Variants in KCNIP4 observed in about 807,000 individuals in gnomAD.
The protein encoded by KCNIP4 is potassium voltage-gated channel interacting protein 4.
In KCNIP4, 12 loss-of-function variants were observed where a neutral mutation model predicts 34.0. The observed-to-expected ratio is 0.35, with a 90% CI of 0.23 to 0.57. The LOEUF is 0.57. Ranked by LOEUF, KCNIP4 falls within the 20% of genes least tolerant of loss-of-function variation. The pLI, the probability that KCNIP4 is intolerant of heterozygous loss-of-function variation, is 0.83. For missense variants in KCNIP4, 238 were observed against 311.7 expected, an observed-to-expected ratio of 0.76 and a Z score of 1.78; for synonymous variants, 124 against 102.2, an observed-to-expected ratio of 1.21 and a Z score of -1.29.
chr4:21,630,677 A>G (rs1448837140), intron 1 of KCNIP4, among the ~76,000 whole-genome samples: 2 of 152,088 alleles, frequency 1.3e-5, no homozygotes, highest in East Asian at 1.9e-4. Context: ...TGCAGATACG[A>G]TGATTGAAAA....
At position 21,234,416 on chromosome 4, in the gene KCNIP4, AC is replaced by A. The variant is rs1313866378; in HGVS notation, c.62-351708del. 2.1e-4 allele frequency among the ~76,000 whole-genome samples: 28 copies of A among 132,272 alleles called. 6 individuals carry two copies. Among genetic ancestry groups the A allele is most frequent in the African/African-American group, 4.6e-4 (16 of 34,504 alleles). 86.8% of individuals were successfully genotyped at this position (132,272 alleles called of 152,430 possible). On this transcript the variant is annotated intron_variant, in intron 1 of 8. Transcript: ENST00000382152. ...ATATATAATATATTATATAACATAT[AC>A]TATATATATTACATATAACGTATAT... is the stretch of plus-strand genomic sequence containing the variant.
chr4:21,724,443 T>C (rs1459270), intron 1 of KCNIP4, among the ~76,000 whole-genome samples: 61,350 of 151,902 alleles, frequency 0.4, 14,662 homozygotes, highest in East Asian at 0.67. Context: ...GAACTATTAT[T>C]ACATGAACAT....
intron 1 of KCNIP4, among the ~76,000 whole-genome samples, chr4:21,633,678 C>T (rs1745918301): frequency 6.6e-6 from 1 of 152,042 alleles, no homozygotes; most frequent in Non-Finnish European, 1.5e-5. Flanking sequence ...GACCTATTGA[C>T]ACTTTCAAAA....
intron 1 of KCNIP4, among the ~76,000 whole-genome samples, chr4:21,276,751 C>T (rs890512130): frequency 2.0e-5 from 3 of 152,102 alleles, no homozygotes; most frequent in Admixed American, 6.6e-5. Context: ...CCCAGACTCC[C>T]TTGCAACTAG....
chr4:21,301,739 A>G (rs1160901169), intron 1 of KCNIP4, among the ~76,000 whole-genome samples: 3 of 152,184 alleles, frequency 2.0e-5, no homozygotes, highest in Admixed American at 6.5e-5. Flanking sequence ...GAGTGCACAC[A>G]TTCTGATCTA....
rs1577453363 is a variant in KCNIP4 at position 20,967,402 on chromosome 4, C to T, written c.62-84693G>A. Among the ~76,000 whole-genome samples, 7 of 152,248 alleles carry T rather than the reference C, an allele frequency of 4.6e-5. No individual in the cohort carries two copies. In the South Asian group the frequency reaches 1.5e-3, roughly 32 times the overall value. On this transcript the variant is annotated intron_variant, in intron 1 of 8. Coordinates refer to ENST00000382152, the MANE Select transcript of KCNIP4 (RefSeq NM_025221.6). ...GCAATCCCCATCAAGCTACCAATGA[C>T]TTTCTTCACAGAATTGGAAAAAACT... is the stretch of plus-strand genomic sequence containing the variant.
intron 1 of KCNIP4, among the ~76,000 whole-genome samples, chr4:21,174,540 C>T (rs1017210420): frequency 2.0e-5 from 3 of 152,248 alleles, no homozygotes; most frequent in African/African-American, 7.2e-5. Flanking sequence ...TTGACTTAAG[C>T]TGGTCTCTTT....
chr4:21,781,718 T>C (rs932491303), intron 1 of KCNIP4, among the ~76,000 whole-genome samples: 1 of 152,180 alleles, frequency 6.6e-6, no homozygotes, highest in Non-Finnish European at 1.5e-5. Flanking sequence ...ATTTTTGTTT[T>C]GTATCTAAGC....
chr4:21,140,513 G>A (rs576002807), intron 1 of KCNIP4, among the ~76,000 whole-genome samples: 1 of 152,048 alleles, frequency 6.6e-6, no homozygotes, highest in South Asian at 2.1e-4. Context: ...TCTGTGCCTC[G>A]ATTTTAATTT....
At chr4:21,358,420 C>T (rs928907779) in intron 1 of KCNIP4, among the ~76,000 whole-genome samples, 5 of 152,068 alleles carry the variant, frequency 3.3e-5, no homozygotes, top group South Asian at 2.1e-4. Context: ...ATAGATCCTC[C>T]GAACCTTATT....
chr4:20,895,163 T>G (rs1392797167), intron 1 of KCNIP4, among the ~76,000 whole-genome samples: 2 of 152,210 alleles, frequency 1.3e-5, no homozygotes, highest in East Asian at 3.8e-4. Flanking sequence ...TGTGTCTAAT[T>G]GTGTAGTTTC....
intron 1 of KCNIP4, among the ~76,000 whole-genome samples, chr4:20,947,985 G>C (rs1312334209): frequency 6.6e-6 from 1 of 152,186 alleles, no homozygotes; most frequent in Non-Finnish European, 1.5e-5. Context: ...TGTGGAAAAT[G>C]AGATGGTAAA....
chr4:20,875,455 T>C (rs1054482244), intron 2 of KCNIP4, among the ~76,000 whole-genome samples: 7 of 152,230 alleles, frequency 4.6e-5, no homozygotes, highest in Admixed American at 2.0e-4. Flanking sequence ...CACTTAAAAC[T>C]GTACCAGACA....
chr4:21,179,818 C>G (rs1396900144), intron 1 of KCNIP4, among the ~76,000 whole-genome samples: 1 of 152,110 alleles, frequency 6.6e-6, no homozygotes, highest in Non-Finnish European at 1.5e-5. Flanking sequence ...GCCCTTGTGT[C>G]CTTTCAAATG....
intron 1 of KCNIP4, among the ~76,000 whole-genome samples, chr4:21,027,027 C>T (rs181456325): frequency 9.9e-5 from 15 of 152,244 alleles, no homozygotes; most frequent in African/African-American, 1.7e-4. Flanking sequence ...TTTCAATTTT[C>T]AAAAGATTAT....
At chr4:21,446,773 T>A (rs553556504) in intron 1 of KCNIP4, among the ~76,000 whole-genome samples, 1 of 152,070 alleles carries the variant, frequency 6.6e-6, no homozygotes, top group African/African-American at 2.4e-5. Context: ...TAAAAAAAAA[T>A]TATTCCCAAA....
chr4:21,064,542 T>C (rs368872175), intron 1 of KCNIP4, among the ~76,000 whole-genome samples: 2 of 152,324 alleles, frequency 1.3e-5, no homozygotes, highest in South Asian at 2.1e-4. Context: ...TTACCATTTA[T>C]GCTATAGTTA....
chr4:21,540,309 G>A (rs574979992), intron 1 of KCNIP4, among the ~76,000 whole-genome samples: 119 of 152,114 alleles, frequency 7.8e-4, no homozygotes, highest in African/African-American at 2.8e-3. Context: ...TATAGTATAC[G>A]GTCACACTGT....
rs528391421 is a variant in KCNIP4 at position 21,880,114 on chromosome 4, A to G, written c.61+68457T>C. ...TAGCGGCGTGAGAATGGACTAATAC[A>G]TCTATGTATAGTTGACTGTCTTGCT... On this transcript the variant is annotated intron_variant, in intron 1 of 8. Transcript: ENST00000382152. Among the ~76,000 whole-genome samples, 7 of 152,180 alleles carry G rather than the reference A, an allele frequency of 4.6e-5. No homozygotes were observed. In the East Asian group the frequency reaches 1.2e-3, roughly 25 times the overall value.
Sources: gnomAD v4.1 joint callset for allele counts (sites outside exome capture counted in the v4.1 genomes callset) on GRCh38, gnomAD v4.1.1 for gene constraint, MANE v1.5 for transcripts, NCBI Gene and HGNC (gene_info 2026-07-23, HGNC 2026-07-21) for gene names.